The following CSMD3 variants were observed in gnomAD, a reference collection of about 807,000 sequenced individuals.
CSMD3 encodes CUB and Sushi multiple domains 3.
CSMD3 carries 177 observed loss-of-function variants against 435.2 expected under a neutral mutation model. The observed-to-expected ratio is 0.41, with a 90% CI of 0.36 to 0.46. The LOEUF (loss-of-function observed/expected upper bound fraction) is 0.46, where lower values mean the gene tolerates loss of function less well. Ranked by LOEUF, CSMD3 falls within the 20% of genes least tolerant of loss-of-function variation. CSMD3 has a pLI of 0.34. For synonymous variants in CSMD3, 1,656 were observed against 1,520.5 expected (o/e 1.09, Z -2.07); for missense variants, 4,265 against 4,504.6 (o/e 0.95, Z 1.52).
intron 41 of CSMD3, among the ~76,000 whole-genome samples, chr8:112,344,043 T>G (rs1825442256): frequency 1.3e-5 from 2 of 152,160 alleles, no homozygotes; most frequent in East Asian, 3.9e-4. Context: ...CCACCATGCC[T>G]GGCTAATTTT....
At chr8:112,275,469 C>T (rs1817957309) in intron 59 of CSMD3, among the ~76,000 whole-genome samples, 1 of 152,048 alleles carries the variant, frequency 6.6e-6, no homozygotes, top group Admixed American at 6.6e-5. Context: ...ATCACTTGAA[C>T]CCAGGAGGCA....
At chr8:112,653,002 A>G (rs772958474) in intron 18 of CSMD3, among the ~76,000 whole-genome samples, 1 of 152,074 alleles carries the variant, frequency 6.6e-6, no homozygotes, top group Non-Finnish European at 1.5e-5. Flanking sequence ...TTTTTAGTAG[A>G]GACGTGGTTT....
chr8:112,582,837 A>C (rs1830434025), intron 23 of CSMD3, among the ~76,000 whole-genome samples: 2 of 152,010 alleles, frequency 1.3e-5, no homozygotes, highest in Admixed American at 6.6e-5. Context: ...AAGATACCTC[A>C]AAAAACTTAT....
intron 38 of CSMD3, among the ~76,000 whole-genome samples, chr8:112,355,052 A>T (rs752228009): frequency 2.6e-5 from 4 of 152,232 alleles, no homozygotes; most frequent in Non-Finnish European, 5.9e-5. Flanking sequence ...AAATCCACAC[A>T]TCCACAACTA....
chr8:112,530,799 A>C (rs1369227183), intron 27 of CSMD3, among the ~76,000 whole-genome samples: 2 of 152,232 alleles, frequency 1.3e-5, no homozygotes, highest in East Asian at 3.8e-4. Flanking sequence ...ACTCCGAGCC[A>C]ATACCCACAG....
chr8:112,696,243 C>A (rs552123347), intron 13 of CSMD3, among the ~76,000 whole-genome samples: 2 of 151,950 alleles, frequency 1.3e-5, no homozygotes, highest in Non-Finnish European at 1.5e-5. Context: ...TCATATGGAA[C>A]CAAAAAAGGG....
intron 31 of CSMD3, among the ~76,000 whole-genome samples, chr8:112,479,892 G>C (rs1302981958): frequency 1.3e-5 from 2 of 152,164 alleles, no homozygotes; most frequent in African/African-American, 4.8e-5. Context: ...CCCCACCAAG[G>C]CACTACCTTA....
At chr8:112,594,290 G>A (rs1023613313) in intron 22 of CSMD3, among the ~76,000 whole-genome samples, 12 of 152,176 alleles carry the variant, frequency 7.9e-5, no homozygotes, top group Admixed American at 5.9e-4. Context: ...ACTCCCACTC[G>A]AATATTGCGC....
intron 38 of CSMD3, among the ~76,000 whole-genome samples, chr8:112,372,535 A>G (rs1251973945): frequency 6.6e-6 from 1 of 152,138 alleles, no homozygotes; most frequent in African/African-American, 2.4e-5. Flanking sequence ...TCAACAAAGA[A>G]AAGATAACTA....
chr8:112,749,596 T>C (rs769848710), intron 13 of CSMD3, among the ~76,000 whole-genome samples: 1 of 152,066 alleles, frequency 6.6e-6, no homozygotes, highest in African/African-American at 2.4e-5. Flanking sequence ...TAGAATTAGC[T>C]CTTCAGACAT....
chr8:112,816,335 C>A (rs533560442), intron 12 of CSMD3, among the ~76,000 whole-genome samples: 1 of 152,098 alleles, frequency 6.6e-6, no homozygotes, highest in East Asian at 1.9e-4. Flanking sequence ...AGCGAGGGTG[C>A]AAGATAGAGA....
At chr8:112,569,926 G>A (rs191452444) in intron 24 of CSMD3, among the ~76,000 whole-genome samples, 1 of 152,070 alleles carries the variant, frequency 6.6e-6, no homozygotes, top group African/African-American at 2.4e-5. Flanking sequence ...AAATGTTCTC[G>A]CTCCTGTTCT....
chr8:112,383,611 TA>T lies in CSMD3; in HGVS notation c.5986del (p.Tyr1996MetfsTer23). 1 of 1,609,624 alleles carries T rather than the reference TA, an allele frequency of 6.2e-7. No individual in the cohort carries two copies. Among genetic ancestry groups the T allele is most frequent in the Non-Finnish European group, 8.5e-7 (1 of 1,176,022 alleles). ...TGGAGCATTGTTGTCTCCCCCATCA[TA>T]AAAGTCCAGAGAATCCCAATTATGT... ...TEHNWDSLDF[Y>X]DGGDNNAPRL... On this transcript the variant is annotated frameshift_variant, in exon 37 of 71. Transcript: ENST00000297405. LOFTEE classifies it high-confidence loss of function.
chr8:113,075,542 A>C (rs2131424709), intron 5 of CSMD3, among the ~76,000 whole-genome samples: 1 of 152,018 alleles, frequency 6.6e-6, no homozygotes, highest in Non-Finnish European at 1.5e-5. Flanking sequence ...ACTATGAAAT[A>C]GCTTCAATAT....
At chr8:113,404,024 A>T (rs768919118) in intron 1 of CSMD3, among the ~76,000 whole-genome samples, 3 of 151,428 alleles carry the variant, frequency 2.0e-5, no homozygotes, top group Non-Finnish European at 4.4e-5. Context: ...AACTTCCTTG[A>T]AATGTTACTT....
chr8:113,003,156 A>G (rs1564197286), intron 6 of CSMD3, among the ~76,000 whole-genome samples: 1 of 152,120 alleles, frequency 6.6e-6, no homozygotes, highest in Non-Finnish European at 1.5e-5. Flanking sequence ...GAGGCAGAAG[A>G]ATCACTTGAA....
At chr8:112,696,401 A>T (rs949277431) in intron 13 of CSMD3, among the ~76,000 whole-genome samples, 12 of 152,178 alleles carry the variant, frequency 7.9e-5, no homozygotes, top group African/African-American at 2.7e-4. Context: ...AACAGAACAG[A>T]GCCCTCAGGA....
chr8:112,487,985 T>G (rs1368558668), intron 31 of CSMD3, among the ~76,000 whole-genome samples: 1 of 152,184 alleles, frequency 6.6e-6, no homozygotes, highest in Non-Finnish European at 1.5e-5. Context: ...TAAACAAATT[T>G]TTTTAATCAC....
In CSMD3 at chr8:112,920,990, C is replaced by T. The variant is rs201892702; in HGVS notation, c.1633+637G>A. Among the ~76,000 whole-genome samples the T allele has an allele frequency of 4.1e-3, 293 of 70,696 alleles. 2 individuals carry two copies. Among genetic ancestry groups the T allele is most frequent in the South Asian group, 0.01 (22 of 2,182 alleles). 46.4% of individuals were successfully genotyped at this position (70,696 alleles called of 152,430 possible). ...ATATATATATATGTACACACATACGCGCGCGCGCACACACACACACACACA... is the reference window on the plus strand; with the variant it reads ...ATATATATATATGTACACACATACGTGCGCGCGCACACACACACACACACA... On this transcript the variant is annotated intron_variant, in intron 10 of 70. Coordinates refer to ENST00000297405, the MANE Select transcript of CSMD3 (RefSeq NM_198123.2).
Sources: allele counts gnomAD v4.1 joint callset (sites outside exome capture counted in the v4.1 genomes callset), GRCh38; gene constraint gnomAD v4.1.1; transcripts MANE v1.5; gene names NCBI Gene and HGNC (gene_info 2026-07-23, HGNC 2026-07-21).